Variants in ARAP2 observed in about 807,000 individuals in gnomAD.
The protein encoded by ARAP2 is arf-GAP with Rho-GAP domain, ANK repeat and PH domain-containing protein 2.
ARAP2 carries 148 observed loss-of-function variants against 194.5 expected under a neutral mutation model. The observed-to-expected ratio is 0.76, with a 90% CI of 0.67 to 0.87. ARAP2 has a LOEUF of 0.87. ARAP2 is among the 40% of genes least tolerant of loss of function. ARAP2 has a pLI of 0.00. For missense variants in ARAP2, 2,128 were observed against 1,989.7 expected, an observed-to-expected ratio of 1.07 and a Z score of -1.32; for synonymous variants, 695 against 683.5, an observed-to-expected ratio of 1.02 and a Z score of -0.26.
At chr4:36,195,742 G>C (rs935195035) in intron 6 of ARAP2, among the ~76,000 whole-genome samples, 3 of 152,116 alleles carry the variant, frequency 2.0e-5, no homozygotes, top group African/African-American at 4.8e-5. Context: ...CTGATGACCC[G>C]ATCCAAAGTG....
At chr4:36,051,841 C>G (rs1480893663) in intron 3 of ARAP2, among the ~76,000 whole-genome samples, 1 of 152,188 alleles carries the variant, frequency 6.6e-6, no homozygotes, top group East Asian at 1.9e-4. Flanking sequence ...CTCACTCTTT[C>G]TTCAGGCAAT....
intron 5 of ARAP2, among the ~76,000 whole-genome samples, chr4:36,210,992 A>AT (rs1035470296): frequency 2.0e-5 from 3 of 152,114 alleles, no homozygotes; most frequent in African/African-American, 7.2e-5. Context: ...TATCCCTTTT[A>AT]TTTTGGAAGG....
intron 30 of ARAP2, 122 bp downstream of exon 30, chr4:36,082,128 AC>A: frequency 1.2e-6 from 1 of 860,636 alleles, no homozygotes; most frequent in South Asian, 1.7e-5. Flanking sequence ...TTTACAAACA[AC>A]CCTAATTTCA....
rs146316683 is a variant in ARAP2 at position 36,197,188 on chromosome 4, C to T, written c.1488-3541G>A. Among the ~76,000 whole-genome samples the T allele has an allele frequency of 6.4e-3, 966 of 152,042 alleles. 2 individuals carry two copies. The highest frequency in any genetic ancestry group is 0.014 in the Middle Eastern group (4 of 294). ...AATGTGATATTTTGATATACGCATACAATGTGTAATGATCAATCAGGGTAA... is the reference window on the plus strand; with the variant it reads ...AATGTGATATTTTGATATACGCATATAATGTGTAATGATCAATCAGGGTAA... On this transcript the variant is annotated intron_variant, in intron 6 of 32. Transcript: ENST00000303965.
Position 36,224,589 on chromosome 4 carries a change from T to C in ARAP2, c.905+3993A>G, listed in dbSNP as rs189066580. On this transcript the variant is annotated intron_variant, in intron 2 of 32. Coordinates refer to ENST00000303965, the MANE Select transcript of ARAP2 (RefSeq NM_015230.4). ...TAGCAAAAATTTCAATTTTATACGT[T>C]TTTCAAACAAGATGGATTTACAAAA... Among the ~76,000 whole-genome samples, 27 of 152,286 alleles carry C rather than the reference T, an allele frequency of 1.8e-4. No homozygotes were observed. The East Asian group carries it at 5.2e-3, about 29-fold the overall frequency.
chr4:36,231,360 TAAAA>T lies in ARAP2; in HGVS notation c.-159-1719_-159-1716del, dbSNP rs531571963. Among the ~76,000 whole-genome samples the T allele has an allele frequency of 2.9e-3, 423 of 144,348 alleles. 3 individuals carry two copies. The highest frequency in any genetic ancestry group is 9.6e-3 in the African/African-American group (387 of 40,408). 94.7% of individuals were successfully genotyped at this position (144,348 alleles called of 152,430 possible). A position where few individuals can be genotyped will look rare whatever the true frequency, so the allele number is the denominator to read the frequency against. ...AAAAATAAATAAATAAATAAATAAATAAAAAATTTTAAAAAAAGAAAAGTTACAC... is the reference window on the plus strand; with the variant it reads ...AAAAATAAATAAATAAATAAATAAATAATTTTAAAAAAAGAAAAGTTACAC... On this transcript the variant is annotated intron_variant, in intron 1 of 32. Transcript: ENST00000303965.
At chr4:36,171,272 A>G (rs1201359957) in intron 9 of ARAP2, among the ~76,000 whole-genome samples, 2 of 152,156 alleles carry the variant, frequency 1.3e-5, no homozygotes, top group African/African-American at 2.4e-5. Context: ...AACCAACCCA[A>G]ATGTCCAACA....
At chr4:36,024,192 T>C (rs760044033) in intron 5 of ARAP2, among the ~76,000 whole-genome samples, 1 of 152,132 alleles carries the variant, frequency 6.6e-6, no homozygotes, top group Non-Finnish European at 1.5e-5. Flanking sequence ...ATAGGGTGAA[T>C]AGCATGGAAA....
At chr4:36,008,971 G>C (rs1007405828) in intron 9 of ARAP2, among the ~76,000 whole-genome samples, 1 of 152,042 alleles carries the variant, frequency 6.6e-6, no homozygotes, top group Non-Finnish European at 1.5e-5. Flanking sequence ...AATCATCAGA[G>C]AAATACAAAT....
intron 31 of ARAP2, among the ~76,000 whole-genome samples, chr4:36,079,036 C>G (rs113850453): frequency 1.3e-5 from 2 of 151,498 alleles, no homozygotes; most frequent in African/African-American, 2.4e-5. Context: ...TAGCTGGGCA[C>G]GGTGGTGCAC....
chr4:36,095,502 C>CCAAAAAG (rs2109403541), intron 27 of ARAP2, among the ~76,000 whole-genome samples: 1 of 152,034 alleles, frequency 6.6e-6, no homozygotes, highest in Non-Finnish European at 1.5e-5. Context: ...CAAAGCAAAA[C>CCAAAAAG]CAAAAAGCAC....
intron 19 of ARAP2, among the ~76,000 whole-genome samples, chr4:36,135,773 C>T (rs1308720596): frequency 2.0e-5 from 3 of 151,698 alleles, no homozygotes; most frequent in Non-Finnish European, 4.4e-5. Flanking sequence ...AGAGAAAAAA[C>T]TTTTACATAA....
intron 23 of ARAP2, 31 bp from the exon 24 acceptor site, chr4:36,119,749 T>C (rs781062299): frequency 1.4e-6 from 2 of 1,447,242 alleles, no homozygotes; most frequent in East Asian, 2.3e-5. Context: ...GACATTCTAA[T>C]AATGTAGAAT....
At chr4:36,190,006 C>T (rs1161609506) in intron 7 of ARAP2, among the ~76,000 whole-genome samples, 1 of 152,172 alleles carries the variant, frequency 6.6e-6, no homozygotes. Flanking sequence ...GAATAAACTT[C>T]CTCCCCACCA....
intron 16 of ARAP2, 51 bp downstream of exon 16, chr4:36,150,849 T>C (rs1234657474): frequency 1.3e-6 from 2 of 1,563,458 alleles, no homozygotes; most frequent in African/African-American, 1.4e-5. Context: ...TTACCTGTTA[T>C]AATTATCTGA....
intron 27 of ARAP2, among the ~76,000 whole-genome samples, chr4:36,102,978 T>G (rs546404429): frequency 6.6e-6 from 1 of 152,014 alleles, no homozygotes; most frequent in South Asian, 2.1e-4. Flanking sequence ...TTACTTTTAA[T>G]ATCTTGTACA....
chr4:36,213,245 T>C lies in ARAP2; in HGVS notation c.1039A>G (p.Lys347Glu), dbSNP rs1747153645. Residue 347 changes from lysine (K) to glutamate (E), a missense_variant and splice_region_variant, in exon 4 of 33, where the codon AAG becomes GAG. Lys to Glu is a moderately conservative substitution (Grantham distance 56, BLOSUM62 1). Coordinates refer to ENST00000303965, the MANE Select transcript of ARAP2 (RefSeq NM_015230.4). ...CAATTAAAATGTATGGGACTAACCTTGGAATTTTCTAGTCTCTGGAAGAGA... is the reference window on the plus strand; with the variant it reads ...CAATTAAAATGTATGGGACTAACCTCGGAATTTTCTAGTCTCTGGAAGAGA... ...TFLFQRLENS[K>E]KRSIKNEFLT... is the part of the protein sequence containing the mutation. 6.3e-7 allele frequency: 1 copy of C among 1,592,368 alleles called. No individual in the cohort carries two copies. The highest frequency in any genetic ancestry group is 8.6e-7 in the Non-Finnish European group (1 of 1,161,236).
intron 11 of ARAP2, 91 bp downstream of exon 11, chr4:36,164,823 C>T (rs60435225): frequency 7.9e-7 from 1 of 1,268,180 alleles, no homozygotes; most frequent in Non-Finnish European, 1.1e-6. Context: ...TTCTCATAAC[C>T]ATTAGCTAGG....
chr4:36,069,600 T>C (rs1413140771), intron 32 of ARAP2, among the ~76,000 whole-genome samples: 2 of 152,124 alleles, frequency 1.3e-5, no homozygotes, highest in Non-Finnish European at 2.9e-5. Context: ...AGGATAAATA[T>C]AGAGAGGTTT....
Sources: gnomAD v4.1 joint callset for allele counts (sites outside exome capture counted in the v4.1 genomes callset) on GRCh38, gnomAD v4.1.1 for gene constraint, MANE v1.5 for transcripts, NCBI Gene and HGNC (gene_info 2026-07-23, HGNC 2026-07-21) for gene names.